TRIM5: variants seen among roughly 807,000 people sequenced by gnomAD.
The protein encoded by TRIM5 is tripartite motif-containing protein 5.
Under a neutral mutation model 35.6 loss-of-function variants are expected in TRIM5, and 31 were observed. The ratio of observed to expected loss-of-function variants is 0.87; its 90% CI spans 0.65 to 1.18. The LOEUF is 1.18. Among genes scored for constraint, TRIM5 ranks in the 50% most tolerant of loss-of-function variants. The pLI, the probability that TRIM5 is intolerant of heterozygous loss-of-function variation, is 0.00. For synonymous variants in TRIM5, 243 were observed against 215.6 expected (o/e 1.13, Z -1.11); for missense variants, 609 against 591.6 (o/e 1.03, Z -0.31).
At chr11:5,592,932 A>AAAAAAAAG in the TRIM5 span, among the ~76,000 whole-genome samples, 1 of 110,694 alleles carries the variant, frequency 9.0e-6, no homozygotes, top group African/African-American at 4.6e-5. Context: ...AAAAAAAAAG[A>AAAAAAAAG]AAAAAGAAAA....
At chr11:5,594,676 T>C in the TRIM5 span, among the ~76,000 whole-genome samples, 1 of 152,156 alleles carries the variant, frequency 6.6e-6, no homozygotes, top group Non-Finnish European at 1.5e-5. Flanking sequence ...CTATGGAGCC[T>C]GTAAGTTACT....
the TRIM5 span, chr11:5,643,124 T>TAC: frequency 2.6e-6 from 3 of 1,133,134 alleles, no homozygotes; most frequent in Non-Finnish European, 2.2e-6. Flanking sequence ...CATATATATA[T>TAC]ATTTTTTTTT....
Position 5,666,052 on chromosome 11 carries a change from T to G in TRIM5, c.797A>C (p.Glu266Ala), listed in dbSNP as rs1326147944. The G allele has an allele frequency of 6.2e-7, 1 of 1,613,242 alleles. No individual in the cohort carries two copies. The highest frequency in any genetic ancestry group is 1.3e-5 in the African/African-American group (1 of 74,684). Reference sequence around the variant, plus strand: ...TCTCCTTTGATTTTTTGGAAAAGTTTCTGGCTTCTTCAAGGTCACGTTCTC... The same window carrying G: ...TCTCCTTTGATTTTTTGGAAAAGTTGCTGGCTTCTTCAAGGTCACGTTCTC... ...RTENVTLKKP[E>A]TFPKNQRRVF... Residue 266 changes from glutamate to alanine, a missense_variant, in exon 6 of 8, where the codon GAA (glutamate) becomes GCA (alanine). By Grantham distance (107) the Glu-to-Ala change is moderately radical. Coordinates refer to ENST00000380034, the MANE Select transcript of TRIM5 (RefSeq NM_033034.3).
chr11:5,599,369 C>T, the TRIM5 span, among the ~76,000 whole-genome samples: 9 of 134,794 alleles, frequency 6.7e-5, no homozygotes, highest in Admixed American at 4.1e-4. Context: ...AAATATAATA[C>T]CAATACAATT....
intron 4 of TRIM5, among the ~76,000 whole-genome samples, chr11:5,677,587 G>A (rs1002588922): frequency 6.6e-6 from 1 of 152,196 alleles, no homozygotes; most frequent in Non-Finnish European, 1.5e-5. Flanking sequence ...TTTTAGTAGA[G>A]ACGGGGTTTC....
chr11:5,651,161 A>G, the TRIM5 span, among the ~76,000 whole-genome samples: 4 of 152,222 alleles, frequency 2.6e-5, no homozygotes, highest in African/African-American at 7.2e-5. Flanking sequence ...GGCCAGATGC[A>G]ACAATTTCCT....
chr11:5,672,830 T>C (rs556358071), intron 4 of TRIM5, among the ~76,000 whole-genome samples: 12 of 152,298 alleles, frequency 7.9e-5, no homozygotes, highest in Non-Finnish European at 1.8e-4. Flanking sequence ...TGTATTTTAC[T>C]GGAATTAAGT....
chr11:5,634,528 C>CACAT, the TRIM5 span: 2 of 536,638 alleles, frequency 3.7e-6, no homozygotes, highest in Non-Finnish European at 5.7e-6. Context: ...CACACACACA[C>CACAT]ACATATATAT....
At chr11:5,637,581 A>T in the TRIM5 span, among the ~76,000 whole-genome samples, 9 of 152,018 alleles carry the variant, frequency 5.9e-5, no homozygotes, top group Admixed American at 2.6e-4. Context: ...ATTATTTAAA[A>T]TTTTTTTTCC....
At chr11:5,589,269 C>T in the TRIM5 span, 1 of 151,586 alleles carries the variant, frequency 6.6e-6, no homozygotes, top group South Asian at 2.1e-4. Context: ...AAAATGCTTA[C>T]TCATCTAGTG....
the TRIM5 span, chr11:5,612,054 T>C: frequency 1.3e-5 from 2 of 152,228 alleles, no homozygotes; most frequent in Non-Finnish European, 2.9e-5. Flanking sequence ...GCTTAGTACA[T>C]TGATTTACTT....
At chr11:5,652,562 C>A in the TRIM5 span, among the ~76,000 whole-genome samples, 1 of 152,142 alleles carries the variant, frequency 6.6e-6, no homozygotes, top group African/African-American at 2.4e-5. Flanking sequence ...GTTTTGGTTA[C>A]TGTAGCTTTG....
chr11:5,640,253 T>C, the TRIM5 span, among the ~76,000 whole-genome samples: 2 of 152,160 alleles, frequency 1.3e-5, no homozygotes, highest in African/African-American at 2.4e-5. Flanking sequence ...TAGCTGTAGG[T>C]TTTTCATAGA....
the TRIM5 span, chr11:5,633,762 G>A: frequency 6.3e-7 from 1 of 1,579,450 alleles, no homozygotes; most frequent in Non-Finnish European, 8.6e-7. Context: ...CAGATACTAA[G>A]AAAGCTTATA....
chr11:5,591,907 G>A, the TRIM5 span, among the ~76,000 whole-genome samples: 1 of 152,114 alleles, frequency 6.6e-6, no homozygotes, highest in Admixed American at 6.5e-5. Context: ...GGGGGCTGTG[G>A]CAATTGAAAA....
At chr11:5,613,645 A>G in the TRIM5 span, among the ~76,000 whole-genome samples, 4 of 152,198 alleles carry the variant, frequency 2.6e-5, no homozygotes, top group African/African-American at 9.7e-5. Context: ...TTTCCCATAT[A>G]ATAAGTAAGT....
the TRIM5 span, chr11:5,641,314 A>G: frequency 4.5e-6 from 7 of 1,556,004 alleles, no homozygotes; most frequent in Non-Finnish European, 5.2e-6. Flanking sequence ...ATGTATCGTT[A>G]TCTTAAATTG....
chr11:5,620,279 T>G, the TRIM5 span, among the ~76,000 whole-genome samples: 5 of 145,320 alleles, frequency 3.4e-5, no homozygotes, highest in South Asian at 8.8e-4. Context: ...CTGGGTTCTA[T>G]GGATTCTCCT....
chr11:5,605,765 A>AAAGTC, the TRIM5 span, among the ~76,000 whole-genome samples: 1 of 152,250 alleles, frequency 6.6e-6, no homozygotes, highest in Non-Finnish European at 1.5e-5. Context: ...AATGCAAGGG[A>AAAGTC]AAGTCCCATT....
Sources: allele counts gnomAD v4.1 joint callset (sites outside exome capture counted in the v4.1 genomes callset), GRCh38; gene constraint gnomAD v4.1.1; transcripts MANE v1.5; gene names NCBI Gene and HGNC (gene_info 2026-07-23, HGNC 2026-07-21).